MARVELD1: variants seen among roughly 807,000 people sequenced by gnomAD.
The protein encoded by MARVELD1 is MARVEL domain-containing protein 1.
Under a neutral mutation model 11.3 loss-of-function variants are expected in MARVELD1, and 7 were observed. The ratio of observed to expected loss-of-function variants is 0.62; its 90% CI spans 0.35 to 1.16. MARVELD1 has a LOEUF of 1.16. Ranked by LOEUF, MARVELD1 falls within the 50% of genes most tolerant of loss-of-function variation. MARVELD1 has a pLI of 0.02. For synonymous variants in MARVELD1, 119 were observed against 121.4 expected (o/e 0.98, Z 0.13); for missense variants, 216 against 243.8 (o/e 0.89, Z 0.76).
chr10:97,716,343 C>A (rs2041912283), intron 1 of MARVELD1, among the ~76,000 whole-genome samples: 1 of 152,016 alleles, frequency 6.6e-6, no homozygotes, highest in African/African-American at 2.4e-5. Flanking sequence ...TACCACCATG[C>A]CTGGCTAGTT....
chr10:97,714,385 AG>A lies in MARVELD1; in HGVS notation c.511del (p.Glu171ArgfsTer25). 6.6e-7 allele frequency: 1 copy of A among 1,520,958 alleles called. No individual in the cohort carries two copies. The highest frequency in any genetic ancestry group is 8.8e-7 in the Non-Finnish European group (1 of 1,140,964). The allele number at this position is 1,520,958 out of a possible 1,614,324, so 94.2% of individuals were successfully genotyped here. On this transcript the variant is annotated frameshift_variant, in exon 1 of 2. Transcript: ENST00000285605. LOFTEE classifies it high-confidence loss of function. The surrounding 1 kb of genome is among the most constrained non-coding windows in gnomAD (Gnocchi z 7.4). Reference protein sequence around the residue: ...YGCGRRCQGKQEVA With the variant: ...YGCGRRCQGKXEVA ...TGCGGGCGTCGCTGCCAGGGCAAGC[AG>A]GAGGTGGCGTGAGGCCGCCCGCGCC...
Position 97,714,814 on chromosome 10 carries a change from C to A in MARVELD1, c.*416C>A. On this transcript the variant is annotated 3_prime_UTR_variant, in exon 1 of 2. Coordinates refer to ENST00000285605, the MANE Select transcript of MARVELD1 (RefSeq NM_031484.4). This position sits in a 1 kb window ranked among gnomAD's most constrained non-coding sequence, Gnocchi z 7.4. ...TTGGAACCAGGCTTCTGGCTGCCCCCTTCCCTCCCGCCCCGTGGTCGGAAG... is the reference window on the plus strand; with the variant it reads ...TTGGAACCAGGCTTCTGGCTGCCCCATTCCCTCCCGCCCCGTGGTCGGAAG... The A allele has an allele frequency of 5.8e-6, 1 of 173,270 alleles. No homozygotes were observed. The highest frequency in any genetic ancestry group is 1.2e-5 in the Non-Finnish European group (1 of 82,936). 10.7% of individuals were successfully genotyped at this position (173,270 alleles called of 1,614,324 possible).
In MARVELD1 at chr10:97,717,735, C is replaced by CTTCCAGAGGCA. The variant is rs1296162635; in HGVS notation, c.*2129_*2130insTTCCAGAGGCA. The CTTCCAGAGGCA allele has an allele frequency of 6.6e-6, 1 of 152,332 alleles. No individual in the cohort carries two copies. Among genetic ancestry groups the CTTCCAGAGGCA allele is most frequent in the Non-Finnish European group, 1.5e-5 (1 of 68,142 alleles). The allele number at this position is 152,332 out of a possible 1,614,324, so 9.4% of individuals were successfully genotyped here. A position where few individuals can be genotyped will look rare whatever the true frequency, so the allele number is the denominator to read the frequency against. On this transcript the variant is annotated 3_prime_UTR_variant, in exon 2 of 2. Coordinates refer to ENST00000285605, the MANE Select transcript of MARVELD1 (RefSeq NM_031484.4). ...CCTGTAGCATTCCAGAGCTCACTGC[C>CTTCCAGAGGCA]CTTCTAGATGTGCCTTCCCGCTTGG...
At position 97,714,137 on chromosome 10, in the gene MARVELD1, C is replaced by G; in HGVS notation, c.261C>G (p.Val87=). 1.3e-6 allele frequency: 2 copies of G among 1,536,946 alleles called. No individual in the cohort carries two copies. Among genetic ancestry groups the G allele is most frequent in the Non-Finnish European group, 1.7e-6 (2 of 1,146,714 alleles). Residue 87 remains valine, a synonymous_variant, in exon 1 of 2, where the codon GTC becomes GTG. Coordinates refer to ENST00000285605, the MANE Select transcript of MARVELD1 (RefSeq NM_031484.4). The surrounding 1 kb of genome is among the most constrained non-coding windows in gnomAD (Gnocchi z 7.4). ...CGCTGCTGGGCAAGCACGAGCTGGT[C>G]CCCGTGCTGGGCTCGCGCTGGCTCA... ...FLTLLGKHEL[V]PVLGSRWLMV...
In MARVELD1 at chr10:97,714,417, C is replaced by A; in HGVS notation, c.*19C>A. ...GGCGTGAGGCCGCCCGCGCCCGCCG[C>A]GGCCCCGATCGGGGCGGGGGAATCC... On this transcript the variant is annotated 3_prime_UTR_variant, in exon 1 of 2. Coordinates refer to ENST00000285605, the MANE Select transcript of MARVELD1 (RefSeq NM_031484.4). The surrounding 1 kb of genome is among the most constrained non-coding windows in gnomAD (Gnocchi z 7.4). 1 of 1,467,188 alleles carries A rather than the reference C, an allele frequency of 6.8e-7. No homozygotes were observed. The highest frequency in any genetic ancestry group is 9.0e-7 in the Non-Finnish European group (1 of 1,114,254). The allele number at this position is 1,467,188 out of a possible 1,614,324, so 90.9% of individuals were successfully genotyped here.
In MARVELD1 at chr10:97,713,880, C is replaced by A; in HGVS notation, c.4C>A (p.Leu2Ile). 1 of 825,844 alleles carries A rather than the reference C, an allele frequency of 1.2e-6. No homozygotes were observed. The highest frequency in any genetic ancestry group is 1.5e-6 in the Non-Finnish European group (1 of 682,904). 51.2% of individuals were successfully genotyped at this position (825,844 alleles called of 1,614,324 possible). Reference protein sequence around the residue: MLPPPPRQPPPQ... With the variant: MIPPPPRQPPPQ... ...GCCGCCACCGCGCCCAGGGGCCATG[C>A]TCCCGCCGCCCCCGCGCCAGCCGCC... The change falls in exon 1 of 2, where the codon CTC (leucine) becomes ATC (isoleucine). Residue 2 changes from leucine (L) to isoleucine (I), a missense_variant. Coordinates refer to ENST00000285605, the MANE Select transcript of MARVELD1 (RefSeq NM_031484.4). This position sits in a 1 kb window ranked among gnomAD's most constrained non-coding sequence, Gnocchi z 5.7.
At position 97,714,539 on chromosome 10, in the gene MARVELD1, C is replaced by T. The variant is rs1387449547; in HGVS notation, c.*141C>T. 1.6e-6 allele frequency: 1 copy of T among 606,598 alleles called. No homozygotes were observed. The highest frequency in any genetic ancestry group is 2.6e-6 in the Non-Finnish European group (1 of 378,446). The allele number at this position is 606,598 out of a possible 1,614,324, so 37.6% of individuals were successfully genotyped here. On this transcript the variant is annotated 3_prime_UTR_variant, in exon 1 of 2. Transcript: ENST00000285605. This position sits in a 1 kb window ranked among gnomAD's most constrained non-coding sequence, Gnocchi z 7.4. ...GCCCTCCAGCGTTTCCACTGTCGCC[C>T]GCGCCCGGGAACCCTGACGCTCAGC...
rs1217206150 is a variant in MARVELD1, at chr10:97,715,919, G to C, written c.*1521G>C. On this transcript the variant is annotated 3_prime_UTR_variant, in exon 1 of 2. Transcript: ENST00000285605. ...CTGATCTGGAGCAGCTGACAGGGTG[G>C]GTCTCCCTTACCAAAGAGAAGAACC... 6.6e-6 allele frequency: 1 copy of C among 152,208 alleles called. No individual in the cohort carries two copies. The highest frequency in any genetic ancestry group is 1.5e-5 in the Non-Finnish European group (1 of 68,050). 9.4% of individuals were successfully genotyped at this position (152,208 alleles called of 1,614,324 possible). A position where few individuals can be genotyped will look rare whatever the true frequency, so the allele number is the denominator to read the frequency against.
At chr10:97,716,015 G>A in intron 1 of MARVELD1, 30 bp downstream of exon 1, 1 of 152,188 alleles carries the variant, frequency 6.6e-6, no homozygotes, top group Non-Finnish European at 1.5e-5. Context: ...TCTGGAAGGG[G>A]TCCTGGGCAT....
At position 97,714,049 on chromosome 10, in the gene MARVELD1, T is replaced by A; in HGVS notation, c.173T>A (p.Val58Glu). 1 of 1,536,776 alleles carries A rather than the reference T, an allele frequency of 6.5e-7. No homozygotes were observed. Among genetic ancestry groups the A allele is most frequent in the Non-Finnish European group, 8.7e-7 (1 of 1,146,652 alleles). ...GCCACCAGCAAGTACCAGGGCCCCG[T>A]GCACTTCGCGCTCTTCGTGTCCGTG... ...TIATSKYQGP[V>E]HFALFVSVLF... The change falls in exon 1 of 2, where the codon GTG (valine) becomes GAG (glutamate). Residue 58 changes from valine to glutamate, a missense_variant. Val to Glu is a moderately radical substitution (Grantham distance 121, BLOSUM62 -2). Transcript: ENST00000285605. The surrounding 1 kb of genome is among the most constrained non-coding windows in gnomAD (Gnocchi z 7.4).
rs1471110533 is a variant in MARVELD1, at chr10:97,715,297, G to A, written c.*899G>A. ...TTCCACGACCATGGTGGAATGTTAA[G>A]GTGAACCCCACCCCTTCTTACAGAT... On this transcript the variant is annotated 3_prime_UTR_variant, in exon 1 of 2. Transcript: ENST00000285605. 1 of 152,162 alleles carries A rather than the reference G, an allele frequency of 6.6e-6. No homozygotes were observed. The highest frequency in any genetic ancestry group is 1.5e-5 in the Non-Finnish European group (1 of 68,060). The allele number at this position is 152,162 out of a possible 1,614,324, so 9.4% of individuals were successfully genotyped here.
chr10:97,714,562 A>C lies in MARVELD1; in HGVS notation c.*164A>C. ...CCCGCGCCCGGGAACCCTGACGCTC[A>C]GCTCCCGCCCGACGGCAGCGCCGCC... On this transcript the variant is annotated 3_prime_UTR_variant, in exon 1 of 2. Transcript: ENST00000285605. This position sits in a 1 kb window ranked among gnomAD's most constrained non-coding sequence, Gnocchi z 7.4. The C allele has an allele frequency of 1.9e-6, 1 of 522,264 alleles. No individual in the cohort carries two copies. The highest frequency in any genetic ancestry group is 3.2e-6 in the Non-Finnish European group (1 of 310,586). The allele number at this position is 522,264 out of a possible 1,614,324, so 32.4% of individuals were successfully genotyped here. A position where few individuals can be genotyped will look rare whatever the true frequency, so the allele number is the denominator to read the frequency against.
intron 1 of MARVELD1, 125 bp downstream of exon 1, chr10:97,716,110 C>T (rs2041910466): frequency 2.0e-5 from 3 of 152,182 alleles, no homozygotes; most frequent in African/African-American, 4.8e-5. Flanking sequence ...ACGGTAATAA[C>T]CACAATATCT....
rs1340621137 is a variant in MARVELD1, at chr10:97,714,270, C to T, written c.394C>T (p.Pro132Ser). 1 of 1,536,750 alleles carries T rather than the reference C, an allele frequency of 6.5e-7. No individual in the cohort carries two copies. The highest frequency in any genetic ancestry group is 8.7e-7 in the Non-Finnish European group (1 of 1,146,718). ...RHSYCNLKDY[P>S]LPCAYHAFLA... Reference sequence around the variant, plus strand: ...CAGCTACTGCAACCTCAAGGATTACCCGCTCCCCTGCGCCTACCACGCCTT... The same window carrying T: ...CAGCTACTGCAACCTCAAGGATTACTCGCTCCCCTGCGCCTACCACGCCTT... The change falls in exon 1 of 2, where the codon CCG becomes TCG. Residue 132 changes from proline to serine, a missense_variant. By Grantham distance (74) the Pro-to-Ser change is moderately conservative. Transcript: ENST00000285605. This position sits in a 1 kb window ranked among gnomAD's most constrained non-coding sequence, Gnocchi z 7.4.
chr10:97,714,092 C>A lies in MARVELD1; in HGVS notation c.216C>A (p.Thr72=), dbSNP rs1438656029. Residue 72 remains threonine, a synonymous_variant, in exon 1 of 2, where the codon ACC becomes ACA. Coordinates refer to ENST00000285605, the MANE Select transcript of MARVELD1 (RefSeq NM_031484.4). This position sits in a 1 kb window ranked among gnomAD's most constrained non-coding sequence, Gnocchi z 7.4. ...LFVSVLFWLL[T]LGLYFLTLLG... ...TGTCCGTGCTCTTCTGGCTGCTCAC[C>A]CTGGGCCTCTACTTCCTCACGCTGC... 6.5e-7 allele frequency: 1 copy of A among 1,536,966 alleles called. No homozygotes were observed.
At chr10:97,716,050 T>A (rs116221669) in intron 1 of MARVELD1, 65 bp downstream of exon 1, 1 of 152,356 alleles carries the variant, frequency 6.6e-6, no homozygotes, top group Non-Finnish European at 1.5e-5. Flanking sequence ...CAGAGCCTAC[T>A]CCTTTTCCAG....
chr10:97,713,994 C>A lies in MARVELD1; in HGVS notation c.118C>A (p.Leu40Met). The change falls in exon 1 of 2, where the codon CTG becomes ATG. Residue 40 changes from leucine (L) to methionine (M), a missense_variant. Transcript: ENST00000285605. This position sits in a 1 kb window ranked among gnomAD's most constrained non-coding sequence, Gnocchi z 5.7. The stretch of plus-strand genomic sequence containing the variant: ...GGGCGTGTTGCGGCTGCTGCAGCTG[C>A]TGGCCGGCGCTGCCTTCTGGATCAC... ...PLGVLRLLQL[L>M]AGAAFWITIA... 1 of 1,535,578 alleles carries A rather than the reference C, an allele frequency of 6.5e-7. No individual in the cohort carries two copies. Among genetic ancestry groups the A allele is most frequent in the Non-Finnish European group, 8.7e-7 (1 of 1,146,226 alleles).
In MARVELD1 at chr10:97,714,865, C is replaced by G. The variant is rs1362385117; in HGVS notation, c.*467C>G. ...AGCACTCCCTTCCCTGGCCCCTCATCCAGCCTCCGGTGCTGTAAAACGCAG... is the reference window on the plus strand; with the variant it reads ...AGCACTCCCTTCCCTGGCCCCTCATGCAGCCTCCGGTGCTGTAAAACGCAG... On this transcript the variant is annotated 3_prime_UTR_variant, in exon 1 of 2. Transcript: ENST00000285605. This position sits in a 1 kb window ranked among gnomAD's most constrained non-coding sequence, Gnocchi z 7.4. 6.3e-6 allele frequency: 1 copy of G among 157,834 alleles called. No individual in the cohort carries two copies. The highest frequency in any genetic ancestry group is 1.4e-5 in the Non-Finnish European group (1 of 72,302). 9.8% of individuals were successfully genotyped at this position (157,834 alleles called of 1,614,324 possible).
chr10:97,715,201 C>G lies in MARVELD1; in HGVS notation c.*803C>G, dbSNP rs1232252874. 1 of 152,454 alleles carries G rather than the reference C, an allele frequency of 6.6e-6. No individual in the cohort carries two copies. Among genetic ancestry groups the G allele is most frequent in the Admixed American group, 6.5e-5 (1 of 15,284 alleles). The allele number at this position is 152,454 out of a possible 1,614,324, so 9.4% of individuals were successfully genotyped here. A position where few individuals can be genotyped will look rare whatever the true frequency, so the allele number is the denominator to read the frequency against. On this transcript the variant is annotated 3_prime_UTR_variant, in exon 1 of 2. Transcript: ENST00000285605. ...GGCCTCTCCGTGACACAAGTCTCTT[C>G]CCAGCCTTCCTCACAGGCTTCTGCC...
Sources: gnomAD v4.1 joint callset for allele counts (sites outside exome capture counted in the v4.1 genomes callset) on GRCh38, gnomAD v4.1.1 for gene constraint, Gnocchi (gnomAD v3.1) non-coding constraint, MANE v1.5 for transcripts, NCBI Gene and HGNC (gene_info 2026-07-23, HGNC 2026-07-21) for gene names.